The following KCNT2 variants were observed in gnomAD, a reference collection of about 807,000 sequenced individuals.
KCNT2 encodes the protein potassium channel subfamily T member 2.
A neutral mutation model predicts 153.8 loss-of-function variants in KCNT2; 67 were observed. The observed-to-expected ratio is 0.44, with a 90% CI of 0.36 to 0.53. KCNT2 has a LOEUF of 0.53. Among genes scored for constraint, KCNT2 ranks in the 20% least tolerant of loss-of-function variants. The probability of loss-of-function intolerance (pLI) is 0.00; values close to 1 mark genes in which losing one functional copy is unlikely to be tolerated. For missense variants in KCNT2, 975 were observed against 1,354.8 expected (o/e 0.72, Z 4.40); for synonymous variants, 500 against 458.8 (o/e 1.09, Z -1.15).
chr1:196,572,875 C>T (rs1572866356), intron 1 of KCNT2, among the ~76,000 whole-genome samples: 1 of 152,162 alleles, frequency 6.6e-6, no homozygotes, highest in East Asian at 1.9e-4. Flanking sequence ...CATGATGACA[C>T]TTACCTGCTT....
At chr1:196,330,359 C>G (rs1664335583) in intron 18 of KCNT2, among the ~76,000 whole-genome samples, 1 of 151,830 alleles carries the variant, frequency 6.6e-6, no homozygotes, top group South Asian at 2.1e-4. Flanking sequence ...ATAATATCCA[C>G]TTTAAGGATG....
intron 19 of KCNT2, among the ~76,000 whole-genome samples, chr1:196,323,956 CTAAT>C (rs1362991634): frequency 6.8e-6 from 1 of 147,272 alleles, no homozygotes; most frequent in Non-Finnish European, 1.5e-5. Context: ...CAACAGGCAT[CTAAT>C]TGTTAAAAAA....
At chr1:196,325,337 A>T (rs1346770821) in intron 19 of KCNT2, among the ~76,000 whole-genome samples, 3 of 152,112 alleles carry the variant, frequency 2.0e-5, no homozygotes, top group Non-Finnish European at 4.4e-5. Context: ...GCCATACAAC[A>T]TATAGCTACT....
chr1:196,600,242 C>T (rs1023877664), intron 1 of KCNT2, among the ~76,000 whole-genome samples: 2 of 152,130 alleles, frequency 1.3e-5, no homozygotes, highest in African/African-American at 4.8e-5. Context: ...CAAGCATGTA[C>T]GTGATCACTC....
intron 22 of KCNT2, among the ~76,000 whole-genome samples, chr1:196,291,674 A>T (rs1236804979): frequency 6.6e-6 from 1 of 152,188 alleles, no homozygotes; most frequent in Non-Finnish European, 1.5e-5. Flanking sequence ...TAATTAGTCC[A>T]AATCTGAACT....
intron 11 of KCNT2, among the ~76,000 whole-genome samples, chr1:196,424,193 T>C (rs908068716): frequency 1.3e-5 from 2 of 151,894 alleles, no homozygotes; most frequent in African/African-American, 2.4e-5. Flanking sequence ...ATTTTAAGAC[T>C]ATTGGTAATA....
chr1:196,335,736 A>G (rs112534041), intron 16 of KCNT2, among the ~76,000 whole-genome samples: 51 of 152,230 alleles, frequency 3.4e-4, no homozygotes, highest in Non-Finnish European at 6.3e-4. Flanking sequence ...AGACCTTGTT[A>G]TAACCAATAA....
chr1:196,240,517 A>C, intron 26 of KCNT2, among the ~76,000 whole-genome samples: 1 of 152,186 alleles, frequency 6.6e-6, no homozygotes, highest in Middle Eastern at 3.4e-3. Context: ...ATCAAGCAGT[A>C]AGTTATAAAA....
chr1:196,236,463 C>T (rs571728083), intron 26 of KCNT2, among the ~76,000 whole-genome samples: 1 of 151,362 alleles, frequency 6.6e-6, no homozygotes, highest in South Asian at 2.1e-4. Flanking sequence ...AATATCCACA[C>T]AGGAAATTCT....
At chr1:196,400,162 C>T (rs1229217664) in intron 12 of KCNT2, among the ~76,000 whole-genome samples, 1 of 151,598 alleles carries the variant, frequency 6.6e-6, no homozygotes, top group Non-Finnish European at 1.5e-5. Flanking sequence ...CAAGTGAATA[C>T]TTGTTAATCA....
At chr1:196,385,251 A>G (rs1025991603) in intron 13 of KCNT2, among the ~76,000 whole-genome samples, 1 of 152,152 alleles carries the variant, frequency 6.6e-6, no homozygotes, top group Non-Finnish European at 1.5e-5. Context: ...AAATAAAATC[A>G]GTTTGACATT....
At chr1:196,497,234 C>T (rs1187672616) in intron 1 of KCNT2, among the ~76,000 whole-genome samples, 1 of 152,110 alleles carries the variant, frequency 6.6e-6, no homozygotes, top group African/African-American at 2.4e-5. Flanking sequence ...CTGTACTAAA[C>T]ATGTACAGAC....
chr1:196,281,369 A>G (rs1659077565), intron 24 of KCNT2, among the ~76,000 whole-genome samples: 1 of 152,212 alleles, frequency 6.6e-6, no homozygotes, highest in South Asian at 2.1e-4. Context: ...GGAAATGTAA[A>G]GCATATGGAA....
chr1:196,555,054 C>T (rs1231529201), intron 1 of KCNT2, among the ~76,000 whole-genome samples: 1 of 151,010 alleles, frequency 6.6e-6, no homozygotes, highest in East Asian at 1.9e-4. Context: ...AAAAAACTGG[C>T]AACCTTTCCT....
At chr1:196,518,028 C>T (rs1226811202) in intron 1 of KCNT2, among the ~76,000 whole-genome samples, 1 of 152,118 alleles carries the variant, frequency 6.6e-6, no homozygotes, top group African/African-American at 2.4e-5. Context: ...GGGCAGGTCA[C>T]ATACATAGGA....
At chr1:196,309,926 C>T (rs779408866) in intron 21 of KCNT2, among the ~76,000 whole-genome samples, 5 of 151,770 alleles carry the variant, frequency 3.3e-5, no homozygotes, top group Non-Finnish European at 7.4e-5. Context: ...ACAATTACTT[C>T]GTGTTCTGAC....
At chr1:196,443,419 A>G (rs1675417846) in intron 8 of KCNT2, among the ~76,000 whole-genome samples, 1 of 151,538 alleles carries the variant, frequency 6.6e-6, no homozygotes, top group Admixed American at 6.6e-5. Context: ...CTTGCAGCTA[A>G]ACATTATACA....
At chr1:196,606,594 T>C (rs1184291065) in intron 1 of KCNT2, among the ~76,000 whole-genome samples, 3 of 152,194 alleles carry the variant, frequency 2.0e-5, no homozygotes, top group African/African-American at 7.2e-5. Flanking sequence ...TACTAAAATA[T>C]TTCTGCAGCA....
At chr1:196,377,218 T>C (rs1669044808) in intron 13 of KCNT2, among the ~76,000 whole-genome samples, 1 of 151,806 alleles carries the variant, frequency 6.6e-6, no homozygotes, top group Non-Finnish European at 1.5e-5. Context: ...TTCTAGAACA[T>C]CAAAAGAATC....
Sources: gnomAD v4.1 joint callset for allele counts (sites outside exome capture counted in the v4.1 genomes callset) on GRCh38, gnomAD v4.1.1 for gene constraint, MANE v1.5 for transcripts, NCBI Gene and HGNC (gene_info 2026-07-23, HGNC 2026-07-21) for gene names.